Variants in DPYD observed in about 807,000 individuals in gnomAD.
The protein encoded by DPYD is dihydropyrimidine dehydrogenase [NADP(+)].
DPYD carries 109 observed loss-of-function variants against 116.2 expected under a neutral mutation model. The ratio of observed to expected loss-of-function variants is 0.94; its 90% confidence interval spans 0.80 to 1.10. The LOEUF (loss-of-function observed/expected upper bound fraction) is 1.10. Among genes scored for constraint, DPYD ranks in the 50% least tolerant of loss-of-function variants. The probability of loss-of-function intolerance (pLI) is 0.00; values close to 1 mark genes in which losing one functional copy is unlikely to be tolerated. For missense variants in DPYD, 1,302 were observed against 1,254.5 expected (o/e 1.04, Z -0.57); for synonymous variants, 440 against 432.0 (o/e 1.02, Z -0.23).
chr1:97,728,100 A>AT (rs1231398847), intron 4 of DPYD, among the ~76,000 whole-genome samples: 2 of 151,966 alleles, frequency 1.3e-5, no homozygotes, highest in African/African-American at 2.4e-5. Context: ...TACATATCTG[A>AT]TTTTTTTGTG....
chr1:97,623,909 T>C (rs1402054435), intron 8 of DPYD, among the ~76,000 whole-genome samples: 1 of 151,968 alleles, frequency 6.6e-6, no homozygotes, highest in Non-Finnish European at 1.5e-5. Context: ...AAAAGTACTA[T>C]TGGGAAAACT....
chr1:97,288,489 T>C (rs1012218490), intron 18 of DPYD, among the ~76,000 whole-genome samples: 15 of 152,090 alleles, frequency 9.9e-5, no homozygotes, highest in Non-Finnish European at 1.8e-4. Context: ...AAACTGTCTC[T>C]CAGACAACAG....
At chr1:97,445,725 A>ATTTT (rs35500519) in intron 14 of DPYD, among the ~76,000 whole-genome samples, 2 of 138,424 alleles carry the variant, frequency 1.4e-5, no homozygotes, top group African/African-American at 2.7e-5. Flanking sequence ...AAATTGTCTG[A>ATTTT]TTTTTTTTTT....
intron 13 of DPYD, among the ~76,000 whole-genome samples, chr1:97,469,742 G>A (rs1027705113): frequency 3.9e-5 from 6 of 152,138 alleles, no homozygotes; most frequent in Non-Finnish European, 8.8e-5. Flanking sequence ...TGTAATGGAA[G>A]TAATTTCAAA....
chr1:97,824,250 A>C (rs2101463635), intron 3 of DPYD, among the ~76,000 whole-genome samples: 1 of 152,196 alleles, frequency 6.6e-6, no homozygotes, highest in Middle Eastern at 3.4e-3. Flanking sequence ...TACATCTATT[A>C]CCAGGTTATG....
chr1:97,775,568 CT>C (rs1296226452), intron 3 of DPYD, among the ~76,000 whole-genome samples: 1 of 152,072 alleles, frequency 6.6e-6, no homozygotes, highest in Non-Finnish European at 1.5e-5. Context: ...ACTTATTTAA[CT>C]TTCTCTTTGG....
At chr1:97,402,033 GT>G (rs1673406888) in intron 14 of DPYD, among the ~76,000 whole-genome samples, 1 of 152,092 alleles carries the variant, frequency 6.6e-6, no homozygotes, top group Admixed American at 6.6e-5. Context: ...TAGCTTTATA[GT>G]AAGTCTTGAG....
At chr1:97,399,213 C>T (rs972451543) in intron 14 of DPYD, among the ~76,000 whole-genome samples, 1 of 152,128 alleles carries the variant, frequency 6.6e-6, no homozygotes, top group African/African-American at 2.4e-5. Flanking sequence ...AATCCTTTCC[C>T]CATTGCTTGT....
chr1:97,758,728 T>G (rs1301955247), intron 3 of DPYD, among the ~76,000 whole-genome samples: 1 of 152,152 alleles, frequency 6.6e-6, no homozygotes, highest in Non-Finnish European at 1.5e-5. Flanking sequence ...ATTTTGAGAA[T>G]CAGGCACTGA....
In DPYD at chr1:97,740,435, G is replaced by C. The variant is rs760553268; in HGVS notation, c.278C>G (p.Thr93Ser). Reference protein sequence around the residue: ...ADAPCQKSCPTNLDIKSFITS... With the variant: ...ADAPCQKSCPSNLDIKSFITS... ...GATGAATGATTTAATATCAAGATTAGTTGGACAGCTCTTCTGACACGGGGC... is the reference window on the plus strand; with the variant it reads ...GATGAATGATTTAATATCAAGATTACTTGGACAGCTCTTCTGACACGGGGC... The change falls in exon 4 of 23, where the codon ACT (threonine) becomes AGT (serine). Residue 93 changes from threonine to serine, a missense_variant. Transcript: ENST00000370192. 4 of 1,613,152 alleles carry C rather than the reference G, an allele frequency of 2.5e-6. 1 individual carries two copies. Among genetic ancestry groups the C allele is most frequent in the Admixed American group, 1.7e-5 (1 of 59,986 alleles).
chr1:97,908,192 C>A (rs1306057633), intron 1 of DPYD, among the ~76,000 whole-genome samples: 1 of 151,876 alleles, frequency 6.6e-6, no homozygotes, highest in Non-Finnish European at 1.5e-5. Context: ...ATTACAGGCA[C>A]ACACCAGCAC....
At chr1:97,855,563 A>G (rs981365014) in intron 2 of DPYD, 2 of 152,216 alleles carry the variant, frequency 1.3e-5, no homozygotes, top group Admixed American at 6.5e-5. Flanking sequence ...ACTTGGGCTT[A>G]TATTAAAGAC....
chr1:97,544,935 C>A (rs1369663163), intron 12 of DPYD, among the ~76,000 whole-genome samples: 1 of 152,140 alleles, frequency 6.6e-6, no homozygotes, highest in East Asian at 1.9e-4. Flanking sequence ...TGGTCTAACA[C>A]AAGAACCTCA....
At chr1:97,165,579 A>G (rs980281158) in intron 20 of DPYD, among the ~76,000 whole-genome samples, 1 of 152,174 alleles carries the variant, frequency 6.6e-6, no homozygotes, top group Non-Finnish European at 1.5e-5. Flanking sequence ...AATGGGAACT[A>G]ATTAAACTTA....
intron 18 of DPYD, among the ~76,000 whole-genome samples, chr1:97,269,078 T>G (rs1664410690): frequency 6.6e-6 from 1 of 152,224 alleles, no homozygotes; most frequent in South Asian, 2.1e-4. Context: ...TCCTGCCAGA[T>G]GTTGTTTAGA....
At chr1:97,544,818 C>T (rs1438877734) in intron 12 of DPYD, among the ~76,000 whole-genome samples, 1 of 151,872 alleles carries the variant, frequency 6.6e-6, no homozygotes, top group African/African-American at 2.4e-5. Flanking sequence ...GAACAAAAAA[C>T]AAAATCCTCC....
At chr1:97,730,053 C>T (rs767444318) in intron 4 of DPYD, among the ~76,000 whole-genome samples, 25 of 152,052 alleles carry the variant, frequency 1.6e-4, no homozygotes, top group Non-Finnish European at 2.9e-4. Context: ...TGTACAACAG[C>T]CTTTTGATGA....
chr1:97,611,205 CA>C (rs1365985990), intron 8 of DPYD, among the ~76,000 whole-genome samples: 1 of 151,950 alleles, frequency 6.6e-6, no homozygotes, highest in Non-Finnish European at 1.5e-5. Context: ...AGGCAGCAGG[CA>C]AAAAGAGAGC....
At chr1:97,334,924 G>T (rs1669206749) in intron 16 of DPYD, among the ~76,000 whole-genome samples, 1 of 152,154 alleles carries the variant, frequency 6.6e-6, no homozygotes, top group Non-Finnish European at 1.5e-5. Flanking sequence ...AGAGAGCCCG[G>T]TGCATATTGG....
Sources: allele counts gnomAD v4.1 joint callset (sites outside exome capture counted in the v4.1 genomes callset), GRCh38; gene constraint gnomAD v4.1.1; transcripts MANE v1.5; gene names NCBI Gene and HGNC (gene_info 2026-07-23, HGNC 2026-07-21).